GAN: variants seen among roughly 807,000 people sequenced by gnomAD.
GAN encodes epididymis secretory sperm binding protein.
GAN carries 48 observed loss-of-function variants against 71.3 expected under a neutral mutation model. The ratio of observed to expected loss-of-function variants is 0.67; its 90% confidence interval spans 0.53 to 0.86. The LOEUF is 0.86. Ranked by LOEUF, GAN falls within the 40% of genes least tolerant of loss-of-function variation. The pLI, the probability that GAN is intolerant of heterozygous loss-of-function variation, is 0.00. For synonymous variants in GAN, 386 were observed against 276.8 expected, an observed-to-expected ratio of 1.39 and a Z score of -3.92; for missense variants, 928 against 770.1, an observed-to-expected ratio of 1.21 and a Z score of -2.43.
chr16:81,332,109 C>T (rs1289344571), intron 1 of GAN, among the ~76,000 whole-genome samples: 7 of 147,986 alleles, frequency 4.7e-5, no homozygotes, highest in Non-Finnish European at 8.9e-5. Flanking sequence ...TGCGGTGAGC[C>T]GAGATGATGC....
rs1161484408 is a variant in GAN at position 81,378,379 on chromosome 16, G to T, written c.*783G>T. ...GGAGCCGGGAAGGGTCTCCTGCAGT[G>T]CCATTCTGCCTTCTCAATGAGCAAA... On this transcript the variant is annotated 3_prime_UTR_variant, in exon 11 of 11. Coordinates refer to ENST00000648994, the MANE Select transcript of GAN (RefSeq NM_022041.4). 1.3e-5 allele frequency: 2 copies of T among 152,212 alleles called. No homozygotes were observed. Among genetic ancestry groups the T allele is most frequent in the Non-Finnish European group, 2.9e-5 (2 of 68,112 alleles). The allele number at this position is 152,212 out of a possible 1,614,324, so 9.4% of individuals were successfully genotyped here. A position where few individuals can be genotyped will look rare whatever the true frequency, so the allele number is the denominator to read the frequency against.
chr16:81,342,662 G>A (rs1458860061), intron 1 of GAN, among the ~76,000 whole-genome samples: 1 of 152,150 alleles, frequency 6.6e-6, no homozygotes, highest in Non-Finnish European at 1.5e-5. Context: ...AGCACGAAAT[G>A]CCCACAAGAG....
At chr16:81,361,701 G>C (rs901564267) in intron 5 of GAN, among the ~76,000 whole-genome samples, 2 of 151,982 alleles carry the variant, frequency 1.3e-5, no homozygotes, top group African/African-American at 2.4e-5. Context: ...GATTATTATT[G>C]TTGTTATTTT....
At position 81,372,587 on chromosome 16, in the gene GAN, G is replaced by A. The variant is rs138213877; in HGVS notation, c.1503-4632G>A. 2.7e-3 allele frequency among the ~76,000 whole-genome samples: 404 copies of A among 152,224 alleles called. 1 individual carries two copies. Among genetic ancestry groups the A allele is most frequent in the Non-Finnish European group, 4.5e-3 (307 of 68,020 alleles). The stretch of plus-strand genomic sequence containing the variant: ...TCTTTACCTAAAATAGATCACCTAC[G>A]CGTATTTTTCTGAAACCCAGGAACT... On this transcript the variant is annotated intron_variant, in intron 9 of 10. Transcript: ENST00000648994.
At chr16:81,325,626 A>G (rs929973350) in intron 1 of GAN, among the ~76,000 whole-genome samples, 3 of 152,212 alleles carry the variant, frequency 2.0e-5, no homozygotes, top group Admixed American at 6.5e-5. Context: ...TACTAGACCA[A>G]TTGAGAGCAG....
At chr16:81,354,382 A>C in intron 2 of GAN, 23 bp from the exon 3 acceptor site, 1 of 1,459,260 alleles carries the variant, frequency 6.9e-7, no homozygotes, top group Non-Finnish European at 9.6e-7. Context: ...TTCAAATATA[A>C]GATAATTATG....
rs117476531 is a variant in GAN at position 81,317,759 on chromosome 16, A to T, written c.167+2479A>T. ...TCACCGTTCTCTTTGTGTAAACTTT[A>T]CTGTTAGCTGGCTTACAATATCTTA... On this transcript the variant is annotated intron_variant, in intron 1 of 10. Coordinates refer to ENST00000648994, the MANE Select transcript of GAN (RefSeq NM_022041.4). 6.0e-3 allele frequency among the ~76,000 whole-genome samples: 913 copies of T among 152,284 alleles called. 7 individuals carry two copies. Among genetic ancestry groups the T allele is most frequent in the Non-Finnish European group, 0.01 (704 of 68,022 alleles).
At chr16:81,366,390 G>C (rs963228478) in intron 9 of GAN, among the ~76,000 whole-genome samples, 1 of 152,148 alleles carries the variant, frequency 6.6e-6, no homozygotes, top group Non-Finnish European at 1.5e-5. Flanking sequence ...CATCCTTCTC[G>C]ATGTCTTCTC....
At position 81,354,455 on chromosome 16, in the gene GAN, G is replaced by A. The variant is rs753122436; in HGVS notation, c.333G>A (p.Leu111=). ...TIQDVVQAAD[L]LLLTDLKTLC... ...AAGATGTTGTTCAGGCAGCTGACCT[G>A]CTGCTACTGACGGACCTTAAAACCC... Residue 111 remains leucine (L), a synonymous_variant, in exon 3 of 11, where the codon CTG becomes CTA. Transcript: ENST00000648994. 11 of 1,614,012 alleles carry A rather than the reference G, an allele frequency of 6.8e-6. No homozygotes were observed. The highest frequency in any genetic ancestry group is 7.6e-6 in the Non-Finnish European group (9 of 1,179,846).
At position 81,377,461 on chromosome 16, in the gene GAN, C is replaced by G. The variant is rs1904285410; in HGVS notation, c.1659C>G (p.Thr553=). 4 of 1,614,140 alleles carry G rather than the reference C, an allele frequency of 2.5e-6. No individual in the cohort carries two copies. Among genetic ancestry groups the G allele is most frequent in the Non-Finnish European group, 3.4e-6 (4 of 1,179,958 alleles). The change falls in exon 11 of 11, where the codon ACC becomes ACG. Residue 553 remains threonine, a synonymous_variant. Transcript: ENST00000648994. ...GTGAGTTTAAAAGAAGCACAGGAACCTGGCACCACACTAAACCACTCCTTC... is the reference window on the plus strand; with the variant it reads ...GTGAGTTTAAAAGAAGCACAGGAACGTGGCACCACACTAAACCACTCCTTC... ...YVREFKRSTG[T]WHHTKPLLPS... is the part of the protein sequence containing the mutation.
chr16:81,327,985 G>C (rs1909444531), intron 1 of GAN, among the ~76,000 whole-genome samples: 1 of 152,190 alleles, frequency 6.6e-6, no homozygotes, highest in Non-Finnish European at 1.5e-5. Flanking sequence ...CCAGAACAAG[G>C]AATCAGACTT....
chr16:81,324,829 T>G (rs1020935824), intron 1 of GAN, among the ~76,000 whole-genome samples: 1 of 152,250 alleles, frequency 6.6e-6, no homozygotes, highest in African/African-American at 2.4e-5. Context: ...GTCACTCCAA[T>G]GCAGTGCTGC....
chr16:81,343,701 C>T (rs923103241), intron 1 of GAN, among the ~76,000 whole-genome samples: 3 of 152,182 alleles, frequency 2.0e-5, no homozygotes, highest in Non-Finnish European at 4.4e-5. Context: ...TCTTTGAAAA[C>T]TGACACAAGA....
chr16:81,325,903 T>C (rs1424970141), intron 1 of GAN, among the ~76,000 whole-genome samples: 1 of 152,256 alleles, frequency 6.6e-6, no homozygotes, highest in Non-Finnish European at 1.5e-5. Flanking sequence ...TGTCTGTGAA[T>C]ATGTTTTGCT....
At chr16:81,353,029 C>T (rs1035464450) in intron 2 of GAN, among the ~76,000 whole-genome samples, 7 of 152,216 alleles carry the variant, frequency 4.6e-5, no homozygotes, top group African/African-American at 1.7e-4. Context: ...CGGTGGCTCA[C>T]GCCTGTAATC....
At position 81,390,676 on chromosome 16, in the gene GAN, T is replaced by A. The variant is rs1201385027; in HGVS notation, c.*13080T>A. The A allele has an allele frequency of 2.6e-5, 4 of 152,212 alleles. No homozygotes were observed. Among genetic ancestry groups the A allele is most frequent in the Non-Finnish European group, 5.9e-5 (4 of 68,038 alleles). The allele number at this position is 152,212 out of a possible 1,614,324, so 9.4% of individuals were successfully genotyped here. On this transcript the variant is annotated 3_prime_UTR_variant, in exon 11 of 11. Transcript: ENST00000648994. ...TGTATTTTGATCTGAAATTTGTGTATGCTAAAGTAATTTTGTTTTATGTAT... is the reference window on the plus strand; with the variant it reads ...TGTATTTTGATCTGAAATTTGTGTAAGCTAAAGTAATTTTGTTTTATGTAT...
At chr16:81,358,963 C>G (rs1441197910) in intron 5 of GAN, among the ~76,000 whole-genome samples, 1 of 151,984 alleles carries the variant, frequency 6.6e-6, no homozygotes, top group Non-Finnish European at 1.5e-5. Context: ...TTTTATTTTT[C>G]TTTTTAGAGA....
chr16:81,358,542 G>A (rs752552626), intron 5 of GAN, among the ~76,000 whole-genome samples: 3 of 151,844 alleles, frequency 2.0e-5, no homozygotes, highest in Non-Finnish European at 2.9e-5. Flanking sequence ...CCAGGAGATC[G>A]AGACTGCTGT....
intron 1 of GAN, among the ~76,000 whole-genome samples, chr16:81,319,330 C>T (rs1020051778): frequency 6.6e-6 from 1 of 151,598 alleles, no homozygotes; most frequent in Admixed American, 6.6e-5. Flanking sequence ...AAGCTCCCTG[C>T]GGCTTGCAGG....
Sources: gnomAD v4.1 joint callset for allele counts (sites outside exome capture counted in the v4.1 genomes callset) on GRCh38, gnomAD v4.1.1 for gene constraint, MANE v1.5 for transcripts, NCBI Gene and HGNC (gene_info 2026-07-23, HGNC 2026-07-21) for gene names.